Variants in MAP3K13 observed in about 807,000 individuals in gnomAD.
The protein encoded by MAP3K13 is leucine zipper-bearing kinase.
In MAP3K13, 52 loss-of-function variants were observed where a neutral mutation model predicts 104.0. That is an observed-to-expected ratio of 0.50 (90% CI 0.40 to 0.63). The LOEUF (loss-of-function observed/expected upper bound fraction) is 0.63. Ranked by LOEUF, MAP3K13 falls within the 20% of genes least tolerant of loss-of-function variation. MAP3K13 has a pLI of 0.00. For synonymous variants in MAP3K13, 394 were observed against 442.2 expected (o/e 0.89, Z 1.37); for missense variants, 914 against 1,218.5 (o/e 0.75, Z 3.72).
chr3:185,353,285 G>C (rs902802434), intron 2 of MAP3K13, among the ~76,000 whole-genome samples: 12 of 152,218 alleles, frequency 7.9e-5, no homozygotes, highest in African/African-American at 2.7e-4. Context: ...AATCACAGCA[G>C]ATTCAGAGAG....
intron 3 of MAP3K13, among the ~76,000 whole-genome samples, chr3:185,442,038 CAAA>C (rs749288252): frequency 2.8e-5 from 3 of 107,450 alleles, no homozygotes; most frequent in African/African-American, 3.6e-5. Flanking sequence ...GACTCTGTCT[CAAA>C]AAAAAAAAAA....
intron 1 of MAP3K13, among the ~76,000 whole-genome samples, chr3:185,366,256 A>G (rs1428016796): frequency 6.6e-6 from 1 of 152,060 alleles, no homozygotes; most frequent in Non-Finnish European, 1.5e-5. Flanking sequence ...AAGTTTGTCC[A>G]TGTTGTAGCC....
At chr3:185,316,516 C>T (rs1721680178) in intron 2 of MAP3K13, among the ~76,000 whole-genome samples, 1 of 152,124 alleles carries the variant, frequency 6.6e-6, no homozygotes, top group Non-Finnish European at 1.5e-5. Flanking sequence ...TGGCACATGC[C>T]TATAGTCCCA....
chr3:185,418,309 T>G lies in MAP3K13; in HGVS notation c.-85-10188T>G. On this transcript the variant is annotated intron_variant, in intron 1 of 13. Transcript: ENST00000265026. The surrounding 1 kb of genome is among the most constrained non-coding windows in gnomAD (Gnocchi z 4.5). Reference sequence around the variant, plus strand: ...CTTGGTCTTCTTGTAGCCTTCAACTTTATCTTCAAATACCAAAGGAAGTTC... The same window carrying G: ...CTTGGTCTTCTTGTAGCCTTCAACTGTATCTTCAAATACCAAAGGAAGTTC... 2.5e-6 allele frequency: 4 copies of G among 1,583,214 alleles called. No homozygotes were observed. Among genetic ancestry groups the G allele is most frequent in the Non-Finnish European group, 1.7e-6 (2 of 1,153,698 alleles).
chr3:185,470,745 A>G (rs1717727223), intron 10 of MAP3K13, among the ~76,000 whole-genome samples: 1 of 152,250 alleles, frequency 6.6e-6, no homozygotes, highest in South Asian at 2.1e-4. Flanking sequence ...ACATAACATC[A>G]TCAAACATGT....
At chr3:185,335,289 T>C (rs550722388) in intron 2 of MAP3K13, among the ~76,000 whole-genome samples, 1 of 152,298 alleles carries the variant, frequency 6.6e-6, no homozygotes, top group Non-Finnish European at 1.5e-5. Context: ...CTCCTCAAAA[T>C]ATAGTATTTT....
At chr3:185,429,298 A>G (rs1714613055) in intron 2 of MAP3K13, among the ~76,000 whole-genome samples, 1 of 152,244 alleles carries the variant, frequency 6.6e-6, no homozygotes, top group African/African-American at 2.4e-5. Context: ...AAAGTACAGT[A>G]CATATAAAAC....
At chr3:185,417,772 C>A (rs1269276145) in intron 1 of MAP3K13, 6 of 1,612,146 alleles carry the variant, frequency 3.7e-6, no homozygotes, top group South Asian at 1.1e-5. Context: ...GGTGTTCCGG[C>A]GCATGGTCTT....
chr3:185,485,900 A>C lies in MAP3K13; in HGVS notation c.*3444A>C, dbSNP rs746868568. The C allele has an allele frequency of 6.6e-6, 1 of 152,160 alleles. No individual in the cohort carries two copies. The highest frequency in any genetic ancestry group is 1.5e-5 in the Non-Finnish European group (1 of 68,032). The allele number at this position is 152,160 out of a possible 1,614,324, so 9.4% of individuals were successfully genotyped here. A position where few individuals can be genotyped will look rare whatever the true frequency, so the allele number is the denominator to read the frequency against. On this transcript the variant is annotated 3_prime_UTR_variant, in exon 14 of 14. Coordinates refer to ENST00000265026, the MANE Select transcript of MAP3K13 (RefSeq NM_004721.5). Reference sequence around the variant, plus strand: ...TAGAACAAGACTAAAGAACTTTAAGAAGGAGGCCTGGTCACTTAGAGGACC... The same window carrying C: ...TAGAACAAGACTAAAGAACTTTAAGCAGGAGGCCTGGTCACTTAGAGGACC...
chr3:185,476,433 A>C (rs927647411), intron 11 of MAP3K13: 1 of 152,132 alleles, frequency 6.6e-6, no homozygotes, highest in Admixed American at 6.5e-5. Context: ...ACTTTTTAAA[A>C]GGTAAATTAT....
At chr3:185,318,238 G>C (rs993011018) in intron 2 of MAP3K13, among the ~76,000 whole-genome samples, 2 of 152,156 alleles carry the variant, frequency 1.3e-5, no homozygotes, top group Non-Finnish European at 2.9e-5. Flanking sequence ...AAGAGACAGA[G>C]TACAGGCAGG....
chr3:185,477,531 A>G (rs1718201321), intron 12 of MAP3K13, 135 bp downstream of exon 12: 1 of 660,834 alleles, frequency 1.5e-6, no homozygotes, highest in Non-Finnish European at 2.7e-6. Flanking sequence ...CACTGTGTTC[A>G]TGTTTTCCTG....
chr3:185,306,725 G>C (rs1721297695), intron 2 of MAP3K13, among the ~76,000 whole-genome samples: 1 of 152,118 alleles, frequency 6.6e-6, no homozygotes, highest in South Asian at 2.1e-4. Flanking sequence ...CTCCCATTCT[G>C]TAGGTTGTCT....
intron 8 of MAP3K13, among the ~76,000 whole-genome samples, chr3:185,465,277 AC>A (rs1560127231): frequency 1.3e-5 from 2 of 152,116 alleles, no homozygotes; most frequent in African/African-American, 4.8e-5. Flanking sequence ...CATCTGGCCA[AC>A]CCCACCTCTT....
chr3:185,486,156 G>T lies in MAP3K13; in HGVS notation c.*3700G>T, dbSNP rs564227165. On this transcript the variant is annotated 3_prime_UTR_variant, in exon 14 of 14. Transcript: ENST00000265026. ...TTTTATCTTACATCTTTCAGTGATG[G>T]TCTTCCTAGAAAACCTACCCCTGAT... 6.6e-5 allele frequency: 10 copies of T among 152,262 alleles called. No homozygotes were observed. In the South Asian group the frequency reaches 1.7e-3, roughly 25 times the overall value. 9.4% of individuals were successfully genotyped at this position (152,262 alleles called of 1,614,324 possible). A position where few individuals can be genotyped will look rare whatever the true frequency, so the allele number is the denominator to read the frequency against.
intron 1 of MAP3K13, among the ~76,000 whole-genome samples, chr3:185,366,832 A>C (rs1437575477): frequency 2.6e-5 from 4 of 152,240 alleles, no homozygotes; most frequent in Non-Finnish European, 5.9e-5. Flanking sequence ...TCTGGACACA[A>C]GCTCTTTATC....
intron 7 of MAP3K13, among the ~76,000 whole-genome samples, chr3:185,455,711 TATGA>T (rs1349247184): frequency 3.1e-4 from 4 of 12,918 alleles, no homozygotes; most frequent in South Asian, 3.9e-3. Flanking sequence ...ATGAGATATA[TATGA>T]GATATATATG....
At chr3:185,469,657 C>T (rs1481250544) in intron 10 of MAP3K13, among the ~76,000 whole-genome samples, 3 of 152,190 alleles carry the variant, frequency 2.0e-5, no homozygotes, top group African/African-American at 7.2e-5. Context: ...CCATCTCCTG[C>T]TGCCTGCTGC....
At chr3:185,416,457 T>G (rs1713776120) in intron 1 of MAP3K13, among the ~76,000 whole-genome samples, 1 of 151,894 alleles carries the variant, frequency 6.6e-6, no homozygotes, top group Non-Finnish European at 1.5e-5. Flanking sequence ...TACTACTAAT[T>G]ATAGATGACA....
Sources: gnomAD v4.1 joint callset for allele counts (sites outside exome capture counted in the v4.1 genomes callset) on GRCh38, gnomAD v4.1.1 for gene constraint, Gnocchi (gnomAD v3.1) non-coding constraint, MANE v1.5 for transcripts, NCBI Gene and HGNC (gene_info 2026-07-23, HGNC 2026-07-21) for gene names.